Variants in PPP1R3A observed in about 807,000 individuals in gnomAD.
The protein encoded by PPP1R3A is protein phosphatase 1 regulatory subunit 3A.
PPP1R3A carries 29 observed loss-of-function variants against 41.7 expected under a neutral mutation model. That is an observed-to-expected ratio of 0.70 (90% CI 0.52 to 0.95). The LOEUF is 0.95. Ranked by LOEUF, PPP1R3A falls within the 40% of genes least tolerant of loss-of-function variation. The pLI is 0.00. For missense variants in PPP1R3A, 1,352 were observed against 1,292.4 expected, an observed-to-expected ratio of 1.05 and a Z score of -0.71; for synonymous variants, 485 against 453.4, an observed-to-expected ratio of 1.07 and a Z score of -0.89.
In PPP1R3A at chr7:113,877,758, C is replaced by G. The variant is rs368425000; in HGVS notation, c.3334G>C (p.Glu1112Gln). The G allele has an allele frequency of 6.3e-7, 1 of 1,582,516 alleles. No individual in the cohort carries two copies. The highest frequency in any genetic ancestry group is 1.4e-5 in the African/African-American group (1 of 73,798). The stretch of plus-strand genomic sequence containing the variant: ...TTGACAGACTCTTTTTGTCTACCCT[C>G]TTCCCAGGATAGCCAGGACAATGAC... The part of the protein sequence containing the change: ...VLSLSWLSWE[E>Q]GRQKESVKKK The change falls in exon 4 of 4, where the codon GAG becomes CAG. Residue 1112 changes from glutamate to glutamine, a missense_variant. By Grantham distance (29) the Glu-to-Gln change is conservative (BLOSUM62 2). Transcript: ENST00000284601.
intron 1 of PPP1R3A, among the ~76,000 whole-genome samples, chr7:113,907,769 C>A (rs1324299446): frequency 6.6e-6 from 1 of 151,214 alleles, no homozygotes; most frequent in Non-Finnish European, 1.5e-5. Flanking sequence ...AAAAATAGAC[C>A]GTACCTGGAG....
chr7:113,888,283 T>C (rs1405727911), intron 1 of PPP1R3A, among the ~76,000 whole-genome samples: 2 of 151,694 alleles, frequency 1.3e-5, no homozygotes, highest in Non-Finnish European at 2.9e-5. Flanking sequence ...TTTCTGGAGG[T>C]AATGTAGAGG....
At chr7:113,886,714 T>G (rs1796790155) in intron 1 of PPP1R3A, among the ~76,000 whole-genome samples, 1 of 152,102 alleles carries the variant, frequency 6.6e-6, no homozygotes, top group African/African-American at 2.4e-5. Context: ...GATAGAGTAC[T>G]CTCTGGCCCA....
Position 113,908,219 on chromosome 7 carries a change from T to C in PPP1R3A, c.782+9996A>G, listed in dbSNP as rs892554877. On this transcript the variant is annotated intron_variant, in intron 1 of 3. Transcript: ENST00000284601. ...TTAACTTGGAATGAGATATTACCGATATAGAAAATATAAAATACTAGCTAA... is the reference window on the plus strand; with the variant it reads ...TTAACTTGGAATGAGATATTACCGACATAGAAAATATAAAATACTAGCTAA... Among the ~76,000 whole-genome samples the C allele has an allele frequency of 2.0e-5, 3 of 151,894 alleles. No individual in the cohort carries two copies. In the East Asian group the frequency reaches 5.8e-4, roughly 29 times the overall value.
At chr7:113,903,034 T>C (rs1797091102) in intron 1 of PPP1R3A, among the ~76,000 whole-genome samples, 1 of 151,790 alleles carries the variant, frequency 6.6e-6, no homozygotes, top group African/African-American at 2.4e-5. Flanking sequence ...GATATTTGTA[T>C]ATTTTTTTCT....
rs749374838 is a variant in PPP1R3A, at chr7:113,886,413, T to C, written c.783-4093A>G. Among the ~76,000 whole-genome samples the C allele has an allele frequency of 2.5e-4, 38 of 152,152 alleles. 1 individual carries two copies. The highest frequency in any genetic ancestry group is 5.9e-5 in the Non-Finnish European group (4 of 68,026). On this transcript the variant is annotated intron_variant, in intron 1 of 3. Transcript: ENST00000284601. ...CTCTCTCTTTGCCTGCTGCCACCCA[T>C]GTAAGATGTGACTTGCTCCTCCTTG...
At chr7:113,917,568 T>G (rs770461942) in intron 1 of PPP1R3A, among the ~76,000 whole-genome samples, 7 of 152,094 alleles carry the variant, frequency 4.6e-5, no homozygotes, top group African/African-American at 7.2e-5. Context: ...TTTACTAAAT[T>G]ATACTAATTT....
chr7:113,915,091 G>C (rs1188544766), intron 1 of PPP1R3A, among the ~76,000 whole-genome samples: 3 of 151,714 alleles, frequency 2.0e-5, no homozygotes, highest in Non-Finnish European at 4.4e-5. Context: ...AATATCTTTG[G>C]GTCACTCTCA....
At chr7:113,911,876 C>A (rs1797257763) in intron 1 of PPP1R3A, among the ~76,000 whole-genome samples, 1 of 152,034 alleles carries the variant, frequency 6.6e-6, no homozygotes, top group Admixed American at 6.6e-5. Context: ...AATTTATCAC[C>A]AATGTCATTA....
rs1424732617 is a variant in PPP1R3A, at chr7:113,878,181, A to G, written c.2911T>C (p.Ser971Pro). The change falls in exon 4 of 4, where the codon TCT (serine) becomes CCT (proline). Residue 971 changes from serine to proline, a missense_variant. By Grantham distance (74) the Ser-to-Pro change is moderately conservative (BLOSUM62 -1). Transcript: ENST00000284601. ...CTTCTGGAAACTTCTTCAGGTTTAGACTCAGGATAAGGGTGCTTCTCAATA... is the reference window on the plus strand; with the variant it reads ...CTTCTGGAAACTTCTTCAGGTTTAGGCTCAGGATAAGGGTGCTTCTCAATA... ...QGIEKHPYPE[S>P]KPEEVSRSSG... 6.8e-6 allele frequency: 11 copies of G among 1,613,208 alleles called. No homozygotes were observed. The highest frequency in any genetic ancestry group is 8.5e-6 in the Non-Finnish European group (10 of 1,179,590).
chr7:113,881,765 G>A (rs533447599), intron 3 of PPP1R3A, among the ~76,000 whole-genome samples: 15 of 151,952 alleles, frequency 9.9e-5, no homozygotes, highest in Non-Finnish European at 1.2e-4. Flanking sequence ...TCAGGATAGT[G>A]CTACCTCTCC....
intron 1 of PPP1R3A, among the ~76,000 whole-genome samples, chr7:113,912,782 G>A (rs983671394): frequency 1.3e-5 from 2 of 151,980 alleles, no homozygotes; most frequent in Non-Finnish European, 2.9e-5. Flanking sequence ...ACAGGCTGCA[G>A]ATGGGCTTCA....
At chr7:113,880,252 G>A in intron 3 of PPP1R3A, 127 bp from the exon 4 acceptor site, 1 of 915,956 alleles carries the variant, frequency 1.1e-6, no homozygotes, top group Non-Finnish European at 1.6e-6. Flanking sequence ...TTTCATTTGT[G>A]GATTTCATAT....
intron 1 of PPP1R3A, among the ~76,000 whole-genome samples, chr7:113,908,283 TAC>T (rs774988706): frequency 3.3e-5 from 5 of 151,930 alleles, no homozygotes; most frequent in African/African-American, 9.7e-5. Context: ...TTATATGGAT[TAC>T]ACACACACAT....
At position 113,908,138 on chromosome 7, in the gene PPP1R3A, G is replaced by C. The variant is rs192808469; in HGVS notation, c.782+10077C>G. On this transcript the variant is annotated intron_variant, in intron 1 of 3. Coordinates refer to ENST00000284601, the MANE Select transcript of PPP1R3A (RefSeq NM_002711.4). ...GGTTTTATGAGATTTGCAAGCAAAT[G>C]CCTTGAATGTTCACATAATTGCCAA... is the stretch of plus-strand genomic sequence containing the variant. 1.4e-3 allele frequency among the ~76,000 whole-genome samples: 216 copies of C among 151,970 alleles called. 1 individual carries two copies. The highest frequency in any genetic ancestry group is 6.8e-3 in the Middle Eastern group (2 of 294).
At chr7:113,897,705 C>T (rs755506700) in intron 1 of PPP1R3A, among the ~76,000 whole-genome samples, 2 of 151,756 alleles carry the variant, frequency 1.3e-5, no homozygotes, top group Non-Finnish European at 2.9e-5. Flanking sequence ...AGACAACTTG[C>T]CCCATTGAAG....
Position 113,882,143 on chromosome 7 carries a change from T to C in PPP1R3A, c.862A>G (p.Ile288Val), listed in dbSNP as rs1210877857. ...KNTDTYIPTI[I>V]CSHEDKEDLE... ...TCTTCCTTGTCCTCATGAGAACAAA[T>C]GATTGTTGGGATATAGGTATCTGAA... Residue 288 changes from isoleucine (I) to valine (V), a missense_variant, in exon 3 of 4, where the codon ATT becomes GTT. Physicochemically the swap from Ile to Val is conservative, Grantham distance 29. Coordinates refer to ENST00000284601, the MANE Select transcript of PPP1R3A (RefSeq NM_002711.4). 12 of 1,611,416 alleles carry C rather than the reference T, an allele frequency of 7.4e-6. 1 individual carries two copies. The highest frequency in any genetic ancestry group is 1.7e-5 in the Admixed American group (1 of 59,830).
intron 1 of PPP1R3A, among the ~76,000 whole-genome samples, chr7:113,917,548 T>C (rs1369079346): frequency 6.6e-6 from 1 of 152,108 alleles, no homozygotes; most frequent in African/African-American, 2.4e-5. Flanking sequence ...TTTGTTCTGC[T>C]CCATTGACTT....
Position 113,878,649 on chromosome 7 carries a change from C to T in PPP1R3A, c.2443G>A (p.Asp815Asn). Residue 815 changes from aspartate to asparagine, a missense_variant, in exon 4 of 4, where the codon GAT becomes AAT. Physicochemically the swap from Asp to Asn is conservative, Grantham distance 23 (BLOSUM62 1). Coordinates refer to ENST00000284601, the MANE Select transcript of PPP1R3A (RefSeq NM_002711.4). ...ATGGTTTCTTCCTTCTCCATTTCATCTACACGTACATTACAAATACCTAAA... is the reference window on the plus strand; with the variant it reads ...ATGGTTTCTTCCTTCTCCATTTCATTTACACGTACATTACAAATACCTAAA... ...SRLGICNVRV[D>N]EMEKEETMSM... 2 of 1,613,436 alleles carry T rather than the reference C, an allele frequency of 1.2e-6. No homozygotes were observed. The highest frequency in any genetic ancestry group is 1.7e-6 in the Non-Finnish European group (2 of 1,179,672).
Sources: allele counts gnomAD v4.1 joint callset (sites outside exome capture counted in the v4.1 genomes callset), GRCh38; gene constraint gnomAD v4.1.1; transcripts MANE v1.5; gene names NCBI Gene and HGNC (gene_info 2026-07-23, HGNC 2026-07-21).